ANKRD28: variants seen among roughly 807,000 people sequenced by gnomAD.
The protein encoded by ANKRD28 is ankyrin repeat domain 28, also known as serine/threonine-protein phosphatase 6 regulatory ankyrin repeat subunit A.
A neutral mutation model predicts 126.5 loss-of-function variants in ANKRD28; 44 were observed. The observed-to-expected ratio is 0.35, with a 90% CI of 0.27 to 0.45. ANKRD28 has a LOEUF of 0.45. ANKRD28 is among the 20% of genes least tolerant of loss of function. The probability of loss-of-function intolerance (pLI) is 1.00; values close to 1 mark genes in which losing one functional copy is unlikely to be tolerated. For missense variants in ANKRD28, 1,110 were observed against 1,316.6 expected (o/e 0.84, Z 2.43); for synonymous variants, 442 against 468.5 (o/e 0.94, Z 0.73).
intron 14 of ANKRD28, among the ~76,000 whole-genome samples, chr3:15,699,455 A>T (rs1048056809): frequency 6.6e-6 from 1 of 152,198 alleles, no homozygotes; most frequent in Non-Finnish European, 1.5e-5. Context: ...GTGAACAGGC[A>T]ATCTACAGAA....
intron 2 of ANKRD28, among the ~76,000 whole-genome samples, chr3:15,786,685 A>T (rs1459369015): frequency 2.0e-5 from 3 of 152,154 alleles, no homozygotes; most frequent in Non-Finnish European, 2.9e-5. Context: ...CTTTCAGACC[A>T]AAGTTACTTC....
intron 4 of ANKRD28, 63 bp from the exon 5 acceptor site, chr3:15,737,296 T>C: frequency 7.1e-7 from 1 of 1,404,084 alleles, no homozygotes; most frequent in Non-Finnish European, 9.8e-7. Context: ...TATTTCTATA[T>C]ATAGTGTGCG....
At chr3:15,773,869 C>T (rs1173372132) in intron 2 of ANKRD28, among the ~76,000 whole-genome samples, 1 of 151,968 alleles carries the variant, frequency 6.6e-6, no homozygotes, top group Admixed American at 6.6e-5. Context: ...AAGGCAGAAA[C>T]AATTTAGGAG....
At chr3:15,824,838 G>A (rs978672933) in intron 1 of ANKRD28, among the ~76,000 whole-genome samples, 3 of 152,232 alleles carry the variant, frequency 2.0e-5, no homozygotes, top group African/African-American at 7.2e-5. Flanking sequence ...TCCTAATAGA[G>A]GGCAGGATGC....
chr3:15,779,088 G>A, intron 2 of ANKRD28, among the ~76,000 whole-genome samples: 1 of 152,116 alleles, frequency 6.6e-6, no homozygotes, highest in East Asian at 1.9e-4. Flanking sequence ...GTCTCAGGTA[G>A]TTCTTCATAG....
intron 1 of ANKRD28, among the ~76,000 whole-genome samples, chr3:15,820,605 C>T (rs2060923051): frequency 6.6e-6 from 1 of 152,176 alleles, no homozygotes. Context: ...ACCTTCAAGA[C>T]ATCTGACACA....
At chr3:15,849,141 T>C (rs143965163) in intron 1 of ANKRD28, among the ~76,000 whole-genome samples, 2 of 152,264 alleles carry the variant, frequency 1.3e-5, no homozygotes, top group East Asian at 3.9e-4. Context: ...AACTACAAGA[T>C]ACGATGAGAT....
rs538402084 is a variant in ANKRD28, at chr3:15,741,883, C to T, written c.352-4650G>A. On this transcript the variant is annotated intron_variant, in intron 4 of 27. Coordinates refer to ENST00000683139, the MANE Select transcript of ANKRD28 (RefSeq NM_001349278.2). Reference sequence around the variant, plus strand: ...TGCCGAGTGCCTGCGATTGCAGGCGCGCGCCACCACGCCTGACTGGTTTTC... The same window carrying T: ...TGCCGAGTGCCTGCGATTGCAGGCGTGCGCCACCACGCCTGACTGGTTTTC... 5.3e-5 allele frequency among the ~76,000 whole-genome samples: 8 copies of T among 151,852 alleles called. No homozygotes were observed. The South Asian group carries it at 6.3e-4, about 12-fold the overall frequency.
chr3:15,789,953 G>A (rs114810085), intron 2 of ANKRD28, among the ~76,000 whole-genome samples: 290 of 151,976 alleles, frequency 1.9e-3, no homozygotes, highest in African/African-American at 6.5e-3. Context: ...CAGAAATTAC[G>A]ACTTACACAG....
intron 2 of ANKRD28, among the ~76,000 whole-genome samples, chr3:15,767,538 A>G (rs1293421428): frequency 6.6e-6 from 1 of 151,896 alleles, no homozygotes; most frequent in African/African-American, 2.4e-5. Context: ...AATAATGGGC[A>G]CAACTTCCAG....
At chr3:15,671,578 G>GTTTTTTTTTTTTTT (rs869032190) in intron 27 of ANKRD28, among the ~76,000 whole-genome samples, 1 of 141,326 alleles carries the variant, frequency 7.1e-6, no homozygotes, top group African/African-American at 2.7e-5. Flanking sequence ...AAACACTATA[G>GTTTTTTTTTTTTTT]TTTTTTTTTT....
intron 2 of ANKRD28, among the ~76,000 whole-genome samples, chr3:15,794,076 A>AATAC (rs59495170): frequency 0.041 from 6,254 of 152,002 alleles, 402 homozygotes; most frequent in African/African-American, 0.14. Flanking sequence ...TCTCTAAATA[A>AATAC]ATACATACAT....
chr3:15,820,802 A>T (rs1204927018), intron 1 of ANKRD28, among the ~76,000 whole-genome samples: 2 of 152,150 alleles, frequency 1.3e-5, no homozygotes, highest in Non-Finnish European at 2.9e-5. Context: ...AAAAAAGAAA[A>T]TAATGCAATT....
At chr3:15,704,590 A>G (rs1575264439) in intron 14 of ANKRD28, among the ~76,000 whole-genome samples, 2 of 152,188 alleles carry the variant, frequency 1.3e-5, no homozygotes, top group East Asian at 3.8e-4. Flanking sequence ...CTTCTTTTAG[A>G]AAATATTTCA....
At chr3:15,801,961 T>C (rs939957918), upstream of ANKRD28, among the ~76,000 whole-genome samples, 1 of 152,212 alleles carries the variant, frequency 6.6e-6, no homozygotes, top group African/African-American at 2.4e-5. This position sits in a 1 kb window ranked among gnomAD's most constrained non-coding sequence, Gnocchi z 4.9. Flanking sequence ...TGTTAACCCT[T>C]CCAATATTAA....
intron 2 of ANKRD28, among the ~76,000 whole-genome samples, chr3:15,770,787 A>G (rs2058960761): frequency 6.6e-6 from 1 of 152,166 alleles, no homozygotes; most frequent in Non-Finnish European, 1.5e-5. Flanking sequence ...GGTGCTCACC[A>G]AATTTGCTCA....
At chr3:15,807,489 T>C (rs1243449256) in intron 1 of ANKRD28, among the ~76,000 whole-genome samples, 13 of 152,164 alleles carry the variant, frequency 8.5e-5, no homozygotes, top group Admixed American at 8.5e-4. Context: ...GAAAACAGAA[T>C]ACTTTAGGAT....
rs551121967 is a variant in ANKRD28 at position 15,737,303 on chromosome 3, T to A, written c.352-70A>T. 23 of 1,281,110 alleles carry A rather than the reference T, an allele frequency of 1.8e-5. No homozygotes were observed. The African/African-American group carries it at 2.8e-4, about 16-fold the overall frequency. The allele number at this position is 1,281,110 out of a possible 1,614,324, so 79.4% of individuals were successfully genotyped here. Reference sequence around the variant, plus strand: ...TGAGAAATTATTTCTATATATAGTGTGCGTGTGTGTGTATAAATATGTATC... The same window carrying A: ...TGAGAAATTATTTCTATATATAGTGAGCGTGTGTGTGTATAAATATGTATC... On this transcript the variant is annotated intron_variant, in intron 4 of 27. Coordinates refer to ENST00000683139, the MANE Select transcript of ANKRD28 (RefSeq NM_001349278.2).
At chr3:15,755,186 A>C (rs764260308) in intron 3 of ANKRD28, among the ~76,000 whole-genome samples, 4 of 152,224 alleles carry the variant, frequency 2.6e-5, no homozygotes, top group Non-Finnish European at 5.9e-5. Flanking sequence ...CTAAGAGCCT[A>C]ATCAAATGTT....
Sources: gnomAD v4.1 joint callset for allele counts (sites outside exome capture counted in the v4.1 genomes callset) on GRCh38, gnomAD v4.1.1 for gene constraint, Gnocchi (gnomAD v3.1) non-coding constraint, MANE v1.5 for transcripts, NCBI Gene and HGNC (gene_info 2026-07-23, HGNC 2026-07-21) for gene names.